ST7L: variants seen among roughly 807,000 people sequenced by gnomAD.
ST7L encodes suppressor of tumorigenicity 7 protein-like.
Under a neutral mutation model 72.5 loss-of-function variants are expected in ST7L, and 57 were observed. That is an observed-to-expected ratio of 0.79 (90% CI 0.64 to 0.98). ST7L has a LOEUF of 0.98. Among genes scored for constraint, ST7L ranks in the 50% least tolerant of loss-of-function variants. The pLI is 0.00. For synonymous variants in ST7L, 221 were observed against 240.9 expected, an observed-to-expected ratio of 0.92 and a Z score of 0.77; for missense variants, 576 against 672.2, an observed-to-expected ratio of 0.86 and a Z score of 1.58.
intron 6 of ST7L, among the ~76,000 whole-genome samples, chr1:112,587,200 T>A (rs763739348): frequency 2.0e-5 from 3 of 152,250 alleles, no homozygotes; most frequent in Non-Finnish European, 4.4e-5. Flanking sequence ...ATATATGGTA[T>A]GAGGTAAGGG....
downstream of ST7L, among the ~76,000 whole-genome samples, chr1:112,519,550 T>G (rs561034820): frequency 2.5e-4 from 38 of 152,332 alleles, no homozygotes; most frequent in South Asian, 7.9e-3. Flanking sequence ...AGAATGAGGT[T>G]CTAAGCATTC....
intron 3 of ST7L, among the ~76,000 whole-genome samples, chr1:112,605,285 C>T (rs1264322743): frequency 6.6e-6 from 1 of 152,030 alleles, no homozygotes; most frequent in Non-Finnish European, 1.5e-5. Context: ...AACAGCTACT[C>T]GGGAGGCTGA....
intron 13 of ST7L, among the ~76,000 whole-genome samples, chr1:112,546,582 G>A (rs1657115704): frequency 6.6e-6 from 1 of 152,112 alleles, no homozygotes; most frequent in African/African-American, 2.4e-5. Context: ...GAATAGGAAA[G>A]ACTGAAAAAA....
intron 14 of ST7L, among the ~76,000 whole-genome samples, chr1:112,531,218 G>C (rs1040386198): frequency 6.6e-5 from 10 of 152,164 alleles, no homozygotes; most frequent in African/African-American, 1.9e-4. Flanking sequence ...AGGAATGAGA[G>C]GATATAAAAG....
At chr1:112,519,890 TTTG>T (rs1336753857), downstream of ST7L, among the ~76,000 whole-genome samples, 104 of 150,562 alleles carry the variant, frequency 6.9e-4, no homozygotes, top group African/African-American at 2.3e-3. Flanking sequence ...TTTTTTTTTT[TTTG>T]GAGACAGAGT....
chr1:112,567,884 T>C (rs568894939), intron 11 of ST7L, among the ~76,000 whole-genome samples: 1 of 152,338 alleles, frequency 6.6e-6, no homozygotes, highest in South Asian at 2.1e-4. Context: ...AGCTATAGTA[T>C]GCTTACTTTA....
intron 1 of ST7L, 70 bp downstream of exon 1, chr1:112,618,839 G>A: frequency 6.5e-7 from 1 of 1,527,726 alleles, no homozygotes; most frequent in Non-Finnish European, 8.8e-7. Flanking sequence ...AGAATCTCTT[G>A]CCCTTTGGCT....
chr1:112,597,087 A>G (rs966967649), intron 5 of ST7L, among the ~76,000 whole-genome samples: 10 of 152,370 alleles, frequency 6.6e-5, no homozygotes, highest in Admixed American at 4.6e-4. Flanking sequence ...AAGCAATATA[A>G]TAACATTAAC....
Position 112,548,694 on chromosome 1 carries a change from T to C in ST7L, c.1489+1907A>G, listed in dbSNP as rs564607387. On this transcript the variant is annotated intron_variant, in intron 13 of 14. Coordinates refer to ENST00000358039, the MANE Select transcript of ST7L (RefSeq NM_017744.5). The stretch of plus-strand genomic sequence containing the variant: ...CATAAGAAAACATGGTCCTAGTGTT[T>C]ATAGCCTTCGGCATGGTTGCTTCTC... Among the ~76,000 whole-genome samples, 74 of 152,318 alleles carry C rather than the reference T, an allele frequency of 4.9e-4. 1 individual carries two copies. Among genetic ancestry groups the C allele is most frequent in the South Asian group, 3.3e-3 (16 of 4,830 alleles).
chr1:112,582,756 C>T (rs1003913636), intron 7 of ST7L, among the ~76,000 whole-genome samples: 23 of 151,868 alleles, frequency 1.5e-4, no homozygotes, highest in African/African-American at 5.1e-4. Context: ...ATATATAATT[C>T]GTGTATGATT....
chr1:112,612,905 G>T (rs1232035655), intron 2 of ST7L, among the ~76,000 whole-genome samples: 1 of 151,772 alleles, frequency 6.6e-6, no homozygotes, highest in African/African-American at 2.4e-5. Context: ...ATCACTTGAG[G>T]CTGGGAATTT....
At chr1:112,553,508 A>T (rs1478721790) in intron 12 of ST7L, among the ~76,000 whole-genome samples, 1 of 152,250 alleles carries the variant, frequency 6.6e-6, no homozygotes, top group Non-Finnish European at 1.5e-5. Flanking sequence ...CAACTTAAAA[A>T]ATTTATGTTC....
chr1:112,602,713 C>CTTTTTTT (rs35617753), intron 3 of ST7L, among the ~76,000 whole-genome samples: 12 of 120,490 alleles, frequency 1.0e-4, no homozygotes, highest in East Asian at 2.3e-4. Flanking sequence ...CATTTTCTTT[C>CTTTTTTT]TTTTTTTTTT....
At chr1:112,518,321 C>G in the ST7L span, 1 of 152,288 alleles carries the variant, frequency 6.6e-6, no homozygotes, top group East Asian at 1.9e-4. Flanking sequence ...CTCCCAGGCT[C>G]TTTTCTACAG....
chr1:112,572,705 G>A (rs1436596440), intron 11 of ST7L, among the ~76,000 whole-genome samples: 2 of 151,978 alleles, frequency 1.3e-5, no homozygotes, highest in African/African-American at 4.8e-5. Context: ...TGGAGATCCT[G>A]TCTCTATTTT....
At chr1:112,521,129 T>C (rs1652845757), downstream of ST7L, 1 of 153,180 alleles carries the variant, frequency 6.5e-6, no homozygotes, top group South Asian at 2.1e-4. Context: ...CACACATTCA[T>C]TCTCTCTTTT....
chr1:112,617,311 C>T (rs1452565128), intron 1 of ST7L: 1 of 154,504 alleles, frequency 6.5e-6, no homozygotes, highest in Non-Finnish European at 1.4e-5. Context: ...GGCAAAATGG[C>T]TCAAAGAGAA....
intron 11 of ST7L, 142 bp from the exon 12 acceptor site, chr1:112,556,160 T>C: frequency 1.7e-6 from 1 of 574,692 alleles, no homozygotes; most frequent in South Asian, 5.2e-5. Flanking sequence ...TGAAATGACA[T>C]GAAGATACTG....
At chr1:112,597,103 A>G (rs1256954002) in intron 5 of ST7L, among the ~76,000 whole-genome samples, 1 of 152,220 alleles carries the variant, frequency 6.6e-6, no homozygotes, top group Non-Finnish European at 1.5e-5. Flanking sequence ...TTAACAAATA[A>G]ATGTTTGTGG....
Sources: gnomAD v4.1 joint callset for allele counts (sites outside exome capture counted in the v4.1 genomes callset) on GRCh38, gnomAD v4.1.1 for gene constraint, MANE v1.5 for transcripts, NCBI Gene and HGNC (gene_info 2026-07-23, HGNC 2026-07-21) for gene names.